HIVEP1: variants seen among roughly 807,000 people sequenced by gnomAD.
The protein encoded by HIVEP1 is HIVEP zinc finger 1.
In HIVEP1, 36 loss-of-function variants were observed where a neutral mutation model predicts 180.0. The observed-to-expected ratio is 0.20, with a 90% CI of 0.15 to 0.26. HIVEP1 has a LOEUF of 0.26. Ranked by LOEUF, HIVEP1 falls within the 10% of genes least tolerant of loss-of-function variation. The probability of loss-of-function intolerance (pLI) is 1.00; values close to 1 mark genes in which losing one functional copy is unlikely to be tolerated. For missense variants in HIVEP1, 3,143 were observed against 3,268.7 expected (o/e 0.96, Z 0.94); for synonymous variants, 1,239 against 1,239.0 (o/e 1.00, Z 0.00).
chr6:12,116,092 A>G (rs79548802), intron 3 of HIVEP1, among the ~76,000 whole-genome samples: 6,979 of 152,092 alleles, frequency 0.046, 183 homozygotes, highest in African/African-American at 0.052. Flanking sequence ...ACTATGGTCT[A>G]TGCATCCTCT....
At chr6:12,077,055 G>A (rs980908644) in intron 2 of HIVEP1, among the ~76,000 whole-genome samples, 17 of 152,134 alleles carry the variant, frequency 1.1e-4, no homozygotes, top group Admixed American at 5.9e-4. Flanking sequence ...CAAAGCCCCA[G>A]GAGGAGCCCA....
chr6:12,122,528 T>C lies in HIVEP1; in HGVS notation c.2733T>C (p.His911=), dbSNP rs1193737382. ...AIEDSSANES[H]VLGTGQSLDE... is the part of the protein sequence containing the mutation. ...AAGACTCTTCAGCAAATGAAAGTCA[T>C]GTTCTTGGTACTGGACAGTCCCTGG... is the stretch of plus-strand genomic sequence containing the variant. Residue 911 remains histidine (H), a synonymous_variant, in exon 4 of 9, where the codon CAT becomes CAC. Transcript: ENST00000379388. 1.2e-6 allele frequency: 2 copies of C among 1,614,224 alleles called. No individual in the cohort carries two copies. Among genetic ancestry groups the C allele is most frequent in the South Asian group, 1.1e-5 (1 of 91,086 alleles).
At chr6:12,094,716 A>G (rs1773688962) in intron 3 of HIVEP1, among the ~76,000 whole-genome samples, 1 of 151,990 alleles carries the variant, frequency 6.6e-6, no homozygotes, top group African/African-American at 2.4e-5. Flanking sequence ...TTTTGAATCC[A>G]TGTTCAAGGC....
the HIVEP1 span, among the ~76,000 whole-genome samples, chr6:12,173,782 AC>A: frequency 2.0e-5 from 3 of 152,196 alleles, no homozygotes; most frequent in African/African-American, 7.2e-5. Flanking sequence ...TTAGCTAGCT[AC>A]CTATGAATGT....
At position 12,043,949 on chromosome 6, in the gene HIVEP1, G is replaced by A. The variant is rs7754036; in HGVS notation, c.40+28281G>A. The stretch of plus-strand genomic sequence containing the variant: ...GTTTTGCTTCAGAGTAATCTGAGGG[G>A]TGGATCTCGGGTGTGGAGGAGTATA... On this transcript the variant is annotated intron_variant, in intron 2 of 8. Transcript: ENST00000379388. 3.9e-3 allele frequency among the ~76,000 whole-genome samples: 598 copies of A among 152,306 alleles called. 3 individuals carry two copies. Among genetic ancestry groups the A allele is most frequent in the African/African-American group, 0.014 (568 of 41,562 alleles).
chr6:12,208,942 A>G, the HIVEP1 span, among the ~76,000 whole-genome samples: 1 of 152,214 alleles, frequency 6.6e-6, no homozygotes, highest in African/African-American at 2.4e-5. Flanking sequence ...CATAGAATGC[A>G]GAGGGATTAA....
At position 12,125,403 on chromosome 6, in the gene HIVEP1, A is replaced by C. The variant is rs1421860812; in HGVS notation, c.5608A>C (p.Thr1870Pro). ...CAAGTCATCCACATCATTAACTCTTACAGTTCGAAGTTCACCTGCTCCTTC... is the reference window on the plus strand; with the variant it reads ...CAAGTCATCCACATCATTAACTCTTCCAGTTCGAAGTTCACCTGCTCCTTC... ...NIKSSTSLTL[T>P]VRSSPAPSEN... is the part of the protein sequence containing the mutation. The change falls in exon 4 of 9, where the codon ACA (threonine) becomes CCA (proline). Residue 1870 changes from threonine (T) to proline (P), a missense_variant. Transcript: ENST00000379388. 1.9e-6 allele frequency: 3 copies of C among 1,613,826 alleles called. No individual in the cohort carries two copies. The highest frequency in any genetic ancestry group is 2.5e-6 in the Non-Finnish European group (3 of 1,179,864).
chr6:12,057,136 T>C (rs1364765954), intron 2 of HIVEP1, among the ~76,000 whole-genome samples: 4 of 152,238 alleles, frequency 2.6e-5, no homozygotes, highest in Non-Finnish European at 5.9e-5. Context: ...ATGACAAAGC[T>C]ATCCTTATAT....
At chr6:12,102,373 T>C (rs1311616006) in intron 3 of HIVEP1, among the ~76,000 whole-genome samples, 1 of 152,118 alleles carries the variant, frequency 6.6e-6, no homozygotes, top group Non-Finnish European at 1.5e-5. Flanking sequence ...TCAAAAAGAA[T>C]TGAAATAATA....
At chr6:12,198,182 C>T in the HIVEP1 span, among the ~76,000 whole-genome samples, 1 of 152,184 alleles carries the variant, frequency 6.6e-6, no homozygotes. Flanking sequence ...TCTATATGGT[C>T]GTTACATATG....
intron 2 of HIVEP1, among the ~76,000 whole-genome samples, chr6:12,075,474 T>G (rs562821608): frequency 2.6e-5 from 4 of 152,340 alleles, no homozygotes; most frequent in African/African-American, 9.6e-5. Context: ...CTTTAGCTGC[T>G]TCACCTCACT....
intron 2 of HIVEP1, among the ~76,000 whole-genome samples, chr6:12,050,075 A>C (rs1770396311): frequency 6.6e-6 from 1 of 152,144 alleles, no homozygotes; most frequent in East Asian, 1.9e-4. Flanking sequence ...AGCTTTGTCC[A>C]TGACTCTCTA....
intron 3 of HIVEP1, among the ~76,000 whole-genome samples, 159 bp from the exon 4 acceptor site, chr6:12,119,731 G>A (rs1775442094): frequency 1.3e-5 from 2 of 152,172 alleles, no homozygotes; most frequent in South Asian, 4.1e-4. Context: ...TCAATTTCCG[G>A]AATGCAGAAG....
At chr6:12,208,414 T>A in the HIVEP1 span, among the ~76,000 whole-genome samples, 1 of 152,134 alleles carries the variant, frequency 6.6e-6, no homozygotes. Flanking sequence ...GTGGGTCACC[T>A]GATACTGGAG....
At position 12,022,993 on chromosome 6, in the gene HIVEP1, C is replaced by T. The variant is rs765412517; in HGVS notation, c.40+7325C>T. ...TGAGGTTAAACAGAATATTTGTCTT[C>T]ACTTAGTTCTCAAGAAACAGATTCT... On this transcript the variant is annotated intron_variant, in intron 2 of 8. Coordinates refer to ENST00000379388, the MANE Select transcript of HIVEP1 (RefSeq NM_002114.4). 3.9e-5 allele frequency among the ~76,000 whole-genome samples: 6 copies of T among 152,304 alleles called. No homozygotes were observed. The South Asian group carries it at 6.2e-4, about 16-fold the overall frequency.
chr6:12,209,558 G>A, the HIVEP1 span, among the ~76,000 whole-genome samples: 3 of 152,194 alleles, frequency 2.0e-5, no homozygotes, highest in African/African-American at 7.2e-5. Flanking sequence ...ATTTTTGTCT[G>A]TTTTATTCAC....
chr6:12,093,968 G>A (rs1231676153), intron 3 of HIVEP1, among the ~76,000 whole-genome samples: 1 of 151,918 alleles, frequency 6.6e-6, no homozygotes, highest in Non-Finnish European at 1.5e-5. Flanking sequence ...TGAATCTGGG[G>A]CAAACTGACC....
At chr6:12,037,779 C>A in intron 2 of HIVEP1, 1 of 456,044 alleles carries the variant, frequency 2.2e-6, no homozygotes, top group Admixed American at 3.8e-5. Flanking sequence ...TAGCTCACTG[C>A]AACCCCAAAC....
chr6:12,040,416 A>G (rs1193826053), intron 2 of HIVEP1, among the ~76,000 whole-genome samples: 1 of 152,228 alleles, frequency 6.6e-6, no homozygotes, highest in Non-Finnish European at 1.5e-5. Context: ...TAATAAAGAT[A>G]CAGGTAGATT....
Sources: allele counts gnomAD v4.1 joint callset (sites outside exome capture counted in the v4.1 genomes callset), GRCh38; gene constraint gnomAD v4.1.1; transcripts MANE v1.5; gene names NCBI Gene and HGNC (gene_info 2026-07-23, HGNC 2026-07-21).